Variants in ACAP2 observed in about 807,000 individuals in gnomAD.
ACAP2 encodes ArfGAP with coiled-coil, ankyrin repeat and PH domains 2.
Under a neutral mutation model 115.8 loss-of-function variants are expected in ACAP2, and 39 were observed. That is an observed-to-expected ratio of 0.34 (90% CI 0.26 to 0.44). The LOEUF (loss-of-function observed/expected upper bound fraction) is 0.44, where lower values mean the gene tolerates loss of function less well. Ranked by LOEUF, ACAP2 falls within the 20% of genes least tolerant of loss-of-function variation. ACAP2 has a pLI of 1.00. For missense variants in ACAP2, 662 were observed against 927.6 expected, an observed-to-expected ratio of 0.71 and a Z score of 3.72; for synonymous variants, 289 against 315.8, an observed-to-expected ratio of 0.92 and a Z score of 0.90.
chr3:195,334,280 A>C lies in ACAP2; in HGVS notation c.574-1157T>G, dbSNP rs551797656. Among the ~76,000 whole-genome samples, 5 of 152,082 alleles carry C rather than the reference A, an allele frequency of 3.3e-5. No homozygotes were observed. The East Asian group carries it at 9.6e-4, about 29-fold the overall frequency. The stretch of plus-strand genomic sequence containing the variant: ...AAAGGATAAAACTCAGAAGAGGAAA[A>C]TTATTCTGGAATTAGATAATAGTGA... On this transcript the variant is annotated intron_variant, in intron 7 of 22. Transcript: ENST00000326793.
At chr3:195,329,093 A>G (rs886393655) in intron 8 of ACAP2, among the ~76,000 whole-genome samples, 1 of 151,258 alleles carries the variant, frequency 6.6e-6, no homozygotes, top group African/African-American at 2.4e-5. Context: ...AAAAAAAAAA[A>G]AGAAAGAAAG....
intron 7 of ACAP2, among the ~76,000 whole-genome samples, chr3:195,334,643 GAAT>G (rs1280022251): frequency 6.6e-6 from 1 of 152,090 alleles, no homozygotes; most frequent in Non-Finnish European, 1.5e-5. Flanking sequence ...ACGCAAAACT[GAAT>G]AATGAGATCA....
At position 195,321,047 on chromosome 3, in the gene ACAP2, G is replaced by C. The variant is rs6767801; in HGVS notation, c.745-234C>G. ...TTTATGCAATACTTATTGTGATGAC[G>C]TAAGGACATATAATTATATAGAATA... On this transcript the variant is annotated intron_variant, in intron 9 of 22. Transcript: ENST00000326793. Among the ~76,000 whole-genome samples the C allele has an allele frequency of 0.058, 8,858 of 151,862 alleles. 476 individuals carry two copies. Among genetic ancestry groups the C allele is most frequent in the African/African-American group, 0.13 (5,284 of 41,404 alleles).
intron 9 of ACAP2, among the ~76,000 whole-genome samples, chr3:195,321,076 T>C (rs1400832733): frequency 3.3e-5 from 5 of 152,072 alleles, no homozygotes; most frequent in African/African-American, 1.2e-4. Flanking sequence ...TAGAATATAG[T>C]GCAAAACAGA....
At chr3:195,377,814 T>C (rs1422014441) in intron 4 of ACAP2, among the ~76,000 whole-genome samples, 2 of 152,086 alleles carry the variant, frequency 1.3e-5, no homozygotes, top group African/African-American at 4.8e-5. Flanking sequence ...CTGTCAAAAA[T>C]AATAAGGGAA....
rs78793596 is a variant in ACAP2, at chr3:195,357,383, G to A, written c.286-12066C>T. ...GCACTCTGAACCTGTCCGGAGCCTG[G>A]AGCCCAGAGGAATTCACCACCCCGA... On this transcript the variant is annotated intron_variant, in intron 4 of 22. Coordinates refer to ENST00000326793, the MANE Select transcript of ACAP2 (RefSeq NM_012287.6). Among the ~76,000 whole-genome samples, 1,084 of 152,236 alleles carry A rather than the reference G, an allele frequency of 7.1e-3. 17 individuals carry two copies. The highest frequency in any genetic ancestry group is 0.025 in the African/African-American group (1,047 of 41,528).
intron 1 of ACAP2, among the ~76,000 whole-genome samples, chr3:195,417,078 A>ATTTTTTTT (rs11293878): frequency 1.8e-5 from 2 of 109,548 alleles, no homozygotes; most frequent in Non-Finnish European, 3.5e-5. Context: ...TGCCTGGCTA[A>ATTTTTTTT]TTTTTTTTTT....
intron 10 of ACAP2, 147 bp downstream of exon 10, chr3:195,320,554 A>T: frequency 6.0e-6 from 3 of 496,890 alleles, no homozygotes; most frequent in Non-Finnish European, 1.1e-5. Context: ...TCTAAAGGGC[A>T]TCTATCTTCA....
chr3:195,419,295 G>A (rs533935068), intron 1 of ACAP2: 6 of 152,092 alleles, frequency 3.9e-5, no homozygotes, highest in South Asian at 4.1e-4. Flanking sequence ...TGGGTAGATC[G>A]GCCTATATGC....
At chr3:195,388,847 C>T (rs1734469481) in intron 2 of ACAP2, among the ~76,000 whole-genome samples, 1 of 152,084 alleles carries the variant, frequency 6.6e-6, no homozygotes, top group South Asian at 2.1e-4. Context: ...TATGGTGAAA[C>T]CCTGTCTCTA....
intron 4 of ACAP2, among the ~76,000 whole-genome samples, chr3:195,363,872 C>CA (rs1394254365): frequency 1.3e-5 from 2 of 152,320 alleles, no homozygotes; most frequent in East Asian, 3.9e-4. Flanking sequence ...AGGGAAAGGG[C>CA]AGTCTGTTCA....
intron 2 of ACAP2, among the ~76,000 whole-genome samples, chr3:195,388,552 T>C (rs1028122848): frequency 6.6e-6 from 1 of 152,168 alleles, no homozygotes; most frequent in Non-Finnish European, 1.5e-5. Flanking sequence ...ATACTATAGG[T>C]GGAACTTGCC....
chr3:195,397,773 T>C (rs1711925828), intron 1 of ACAP2, among the ~76,000 whole-genome samples: 1 of 152,266 alleles, frequency 6.6e-6, no homozygotes, highest in Non-Finnish European at 1.5e-5. Context: ...AAACACTAAG[T>C]AGTCAGTGAA....
At chr3:195,421,992 T>C (rs2108835532) in intron 1 of ACAP2, among the ~76,000 whole-genome samples, 1 of 152,272 alleles carries the variant, frequency 6.6e-6, no homozygotes, top group South Asian at 2.1e-4. Flanking sequence ...TTCTGTTATA[T>C]CCAAAATGGA....
intron 1 of ACAP2, chr3:195,441,788 G>A (rs1266233860): frequency 6.6e-6 from 1 of 152,134 alleles, no homozygotes; most frequent in Non-Finnish European, 1.5e-5. Context: ...ACGCAACCTA[G>A]AAAAACTCCA....
intron 1 of ACAP2, among the ~76,000 whole-genome samples, chr3:195,425,338 G>C (rs1714602483): frequency 6.6e-6 from 1 of 152,064 alleles, no homozygotes; most frequent in Non-Finnish European, 1.5e-5. Context: ...TTATCGTTTT[G>C]CAATTCATCA....
chr3:195,392,799 G>A (rs1056959663), intron 1 of ACAP2, among the ~76,000 whole-genome samples: 3 of 152,144 alleles, frequency 2.0e-5, no homozygotes, highest in Non-Finnish European at 4.4e-5. Context: ...TTTCAAAATT[G>A]GAAATTTGTC....
chr3:195,420,005 TA>T (rs1294626479), intron 1 of ACAP2, among the ~76,000 whole-genome samples: 1 of 152,346 alleles, frequency 6.6e-6, no homozygotes, highest in East Asian at 1.9e-4. Context: ...TTCTTTTATA[TA>T]AACTTTAAAA....
chr3:195,402,218 G>A (rs1033929287), intron 1 of ACAP2, among the ~76,000 whole-genome samples: 1 of 152,128 alleles, frequency 6.6e-6, no homozygotes, highest in African/African-American at 2.4e-5. Context: ...GTGATGAATG[G>A]AGCATTTAAA....
Sources: allele counts gnomAD v4.1 joint callset (sites outside exome capture counted in the v4.1 genomes callset), GRCh38; gene constraint gnomAD v4.1.1; transcripts MANE v1.5; gene names NCBI Gene and HGNC (gene_info 2026-07-23, HGNC 2026-07-21).